GNB4: variants seen among roughly 807,000 people sequenced by gnomAD.
GNB4 encodes G protein subunit beta 4.
GNB4 carries 28 observed loss-of-function variants against 45.2 expected under a neutral mutation model. The ratio of observed to expected loss-of-function variants is 0.62; its 90% confidence interval spans 0.46 to 0.85. The LOEUF (loss-of-function observed/expected upper bound fraction) is 0.85. Ranked by LOEUF, GNB4 falls within the 40% of genes least tolerant of loss-of-function variation. The pLI is 0.00. For synonymous variants in GNB4, 132 were observed against 143.7 expected, an observed-to-expected ratio of 0.92 and a Z score of 0.58; for missense variants, 321 against 425.4, an observed-to-expected ratio of 0.75 and a Z score of 2.16.
the GNB4 span, among the ~76,000 whole-genome samples, chr3:179,525,223 T>C: frequency 6.6e-6 from 1 of 152,164 alleles, no homozygotes; most frequent in Non-Finnish European, 1.5e-5. Context: ...ATCCAGGTCT[T>C]GTAAAATGGA....
At chr3:179,423,175 G>A (rs1715043981) in intron 2 of GNB4, among the ~76,000 whole-genome samples, 1 of 152,156 alleles carries the variant, frequency 6.6e-6, no homozygotes, top group Non-Finnish European at 1.5e-5. Flanking sequence ...CAAATCATGG[G>A]AGGAGATGAT....
chr3:179,439,480 T>G (rs1186148536), intron 1 of GNB4, among the ~76,000 whole-genome samples: 5 of 152,024 alleles, frequency 3.3e-5, no homozygotes, highest in African/African-American at 1.2e-4. Flanking sequence ...GCTACACACC[T>G]CCCTCACACT....
the GNB4 span, among the ~76,000 whole-genome samples, chr3:179,460,094 G>A: frequency 3.9e-5 from 6 of 152,306 alleles, no homozygotes; most frequent in Admixed American, 3.9e-4. Flanking sequence ...GGATTTCCAA[G>A]CTTAAAAGCT....
the GNB4 span, among the ~76,000 whole-genome samples, chr3:179,473,634 C>A: frequency 6.6e-6 from 1 of 151,992 alleles, no homozygotes; most frequent in East Asian, 1.9e-4. Context: ...GAGATTAGTG[C>A]TGGGAAGTGG....
Position 179,414,948 on chromosome 3 carries a change from T to G in GNB4, c.367A>C (p.Ile123Leu), listed in dbSNP as rs760551965. The G allele has an allele frequency of 1.9e-6, 3 of 1,611,812 alleles. No homozygotes were observed. The highest frequency in any genetic ancestry group is 1.1e-5 in the South Asian group (1 of 90,740). Residue 123 changes from isoleucine (I) to leucine (L), a missense_variant, in exon 6 of 10, where the codon ATA becomes CTA. By Grantham distance (5) the Ile-to-Leu change is conservative. Transcript: ENST00000232564. ...CCCTCTCTGGTCTTTAAGTTATATA[T>G]AGAGCAGATGTTGTCCAAGCCTCCA... ...ACGGLDNICS[I>L]YNLKTREGNV... is the part of the protein sequence containing the mutation.
At chr3:179,512,765 A>G in the GNB4 span, among the ~76,000 whole-genome samples, 5 of 152,182 alleles carry the variant, frequency 3.3e-5, no homozygotes, top group African/African-American at 1.2e-4. Flanking sequence ...AAATATCTAT[A>G]GCTTTTAGTA....
At chr3:179,473,378 C>G in the GNB4 span, among the ~76,000 whole-genome samples, 3 of 152,062 alleles carry the variant, frequency 2.0e-5, no homozygotes, top group Non-Finnish European at 2.9e-5. Flanking sequence ...ACCCTTCACC[C>G]AATTTCCTCC....
chr3:179,456,729 C>G, the GNB4 span, among the ~76,000 whole-genome samples: 2 of 152,214 alleles, frequency 1.3e-5, no homozygotes, highest in Non-Finnish European at 2.9e-5. Context: ...AGTCACCTCT[C>G]TTCCCTACCA....
the GNB4 span, among the ~76,000 whole-genome samples, chr3:179,472,057 C>A: frequency 6.6e-6 from 1 of 151,954 alleles, no homozygotes; most frequent in African/African-American, 2.4e-5. Flanking sequence ...GAGGCATAAT[C>A]AGTCACAAAT....
intron 1 of GNB4, among the ~76,000 whole-genome samples, chr3:179,449,391 T>G (rs1055576992): frequency 1.3e-5 from 2 of 152,120 alleles, no homozygotes; most frequent in South Asian, 4.1e-4. Context: ...GGACAGACAA[T>G]AATGATCATG....
chr3:179,410,977 C>T (rs141420362), intron 8 of GNB4, among the ~76,000 whole-genome samples: 77 of 152,152 alleles, frequency 5.1e-4, no homozygotes, highest in African/African-American at 1.8e-3. Context: ...ATATCTAATA[C>T]GACATCACAT....
chr3:179,414,595 C>G (rs1262675771), intron 6 of GNB4, among the ~76,000 whole-genome samples: 1 of 152,116 alleles, frequency 6.6e-6, no homozygotes, highest in Non-Finnish European at 1.5e-5. Flanking sequence ...TGTTATATGG[C>G]AGCAGAAAAT....
chr3:179,520,360 C>A, the GNB4 span, among the ~76,000 whole-genome samples: 3 of 152,118 alleles, frequency 2.0e-5, no homozygotes, highest in South Asian at 4.1e-4. Context: ...AACCCCAATC[C>A]CTTCTACAAA....
the GNB4 span, among the ~76,000 whole-genome samples, chr3:179,474,004 G>A: frequency 1.8e-4 from 27 of 152,108 alleles, no homozygotes; most frequent in African/African-American, 5.5e-4. Flanking sequence ...GTTTGGCTTC[G>A]TCAGTTTGCA....
intron 9 of GNB4, among the ~76,000 whole-genome samples, chr3:179,402,110 A>G (rs1714321605): frequency 6.6e-6 from 1 of 152,236 alleles, no homozygotes; most frequent in South Asian, 2.1e-4. Flanking sequence ...TCTCTATAGT[A>G]TCTCCAGTAT....
intron 1 of GNB4, among the ~76,000 whole-genome samples, chr3:179,429,973 T>C (rs1409933949): frequency 6.6e-6 from 1 of 152,080 alleles, no homozygotes; most frequent in African/African-American, 2.4e-5. Context: ...CCATCAAACA[T>C]GAACTTTTTC....
chr3:179,451,665 C>T (rs1051328801), upstream of GNB4: 19 of 152,022 alleles, frequency 1.2e-4, no homozygotes, highest in African/African-American at 4.6e-4. Context: ...GCTTCTGCTT[C>T]CTATTTTCTC....
chr3:179,471,178 CAA>C, the GNB4 span, among the ~76,000 whole-genome samples: 76,582 of 131,992 alleles, frequency 0.58, 20,838 homozygotes, highest in East Asian at 0.86. Context: ...GACTCCGTCT[CAA>C]AAAAAAAAAA....
chr3:179,525,082 AGAC>A, the GNB4 span, among the ~76,000 whole-genome samples: 4 of 152,264 alleles, frequency 2.6e-5, no homozygotes, highest in East Asian at 7.7e-4. Context: ...CTTAAGGAAC[AGAC>A]AGGAGAGAAA....
Sources: allele counts gnomAD v4.1 joint callset (sites outside exome capture counted in the v4.1 genomes callset), GRCh38; gene constraint gnomAD v4.1.1; transcripts MANE v1.5; gene names NCBI Gene and HGNC (gene_info 2026-07-23, HGNC 2026-07-21).